The following C2orf49 variants were observed in gnomAD, a reference collection of about 807,000 sequenced individuals.
C2orf49 encodes tRNA splicing ligase complex subunit 2.
A neutral mutation model predicts 20.6 loss-of-function variants in C2orf49; 11 were observed. That is an observed-to-expected ratio of 0.53 (90% CI 0.34 to 0.88). The LOEUF (loss-of-function observed/expected upper bound fraction) is 0.88. C2orf49 is among the 40% of genes least tolerant of loss of function. C2orf49 has a pLI of 0.02. For missense variants in C2orf49, 289 were observed against 274.2 expected (o/e 1.05, Z -0.38); for synonymous variants, 134 against 108.5 (o/e 1.24, Z -1.46).
chr2:105,341,301 C>T (rs1304464428), intron 2 of C2orf49, among the ~76,000 whole-genome samples: 1 of 152,176 alleles, frequency 6.6e-6, no homozygotes, highest in Non-Finnish European at 1.5e-5. Flanking sequence ...TGATTAGTCC[C>T]CCAAAATCAT....
chr2:105,370,472 A>G, the C2orf49 span, among the ~76,000 whole-genome samples: 1 of 151,986 alleles, frequency 6.6e-6, no homozygotes, highest in Non-Finnish European at 1.5e-5. Context: ...GTGCATCTGT[A>G]AGCAACGTCT....
At position 105,337,703 on chromosome 2, in the gene C2orf49, C is replaced by G. The variant is rs759394180; in HGVS notation, c.99+17C>G. On this transcript the variant is annotated intron_variant, in intron 1 of 3. Transcript: ENST00000258457. ...CTGGAGCAGGTTGGGCGCGCCGGAT[C>G]GGAGGGTGGGCGGGTGGGCCTTCCC... 1.0e-5 allele frequency: 1 copy of G among 99,748 alleles called. No individual in the cohort carries two copies. Among genetic ancestry groups the G allele is most frequent in the Non-Finnish European group, 1.3e-5 (1 of 74,188 alleles). 6.2% of individuals were successfully genotyped at this position (99,748 alleles called of 1,614,324 possible).
downstream of C2orf49, among the ~76,000 whole-genome samples, chr2:105,350,766 G>A (rs1344234550): frequency 6.6e-6 from 1 of 152,090 alleles, no homozygotes; most frequent in Admixed American, 6.5e-5. Flanking sequence ...AATAAACTAG[G>A]ACAGTTAGAT....
At chr2:105,351,129 T>A (rs1258671754), downstream of C2orf49, among the ~76,000 whole-genome samples, 3 of 152,152 alleles carry the variant, frequency 2.0e-5, no homozygotes, top group East Asian at 5.8e-4. Context: ...TGGGGCTATG[T>A]GTTTTGCGGG....
chr2:105,365,782 T>C, the C2orf49 span, among the ~76,000 whole-genome samples: 1 of 147,376 alleles, frequency 6.8e-6, no homozygotes, highest in Non-Finnish European at 1.5e-5. Flanking sequence ...AAAGCAGAGG[T>C]TGCAGTGAGT....
At chr2:105,352,429 G>GTTTTTTTTTTTTTTTTTTTTTGGT (rs61585149), downstream of C2orf49, among the ~76,000 whole-genome samples, 14 of 80,758 alleles carry the variant, frequency 1.7e-4, no homozygotes, top group East Asian at 1.2e-3. Context: ...GTTTGTTTGG[G>GTTTTTTTTTTTTTTTTTTTTTGGT]TTTTTTTTTT....
the C2orf49 span, among the ~76,000 whole-genome samples, chr2:105,380,366 C>A: frequency 2.0e-5 from 3 of 152,108 alleles, no homozygotes; most frequent in African/African-American, 7.2e-5. Context: ...CTTTTCTTTT[C>A]TTCTATCTAT....
At chr2:105,370,560 G>T in the C2orf49 span, among the ~76,000 whole-genome samples, 1 of 152,130 alleles carries the variant, frequency 6.6e-6, no homozygotes, top group Non-Finnish European at 1.5e-5. Flanking sequence ...TTGGTCATCA[G>T]GAAACTGACT....
At chr2:105,356,711 T>C in the C2orf49 span, among the ~76,000 whole-genome samples, 4 of 152,254 alleles carry the variant, frequency 2.6e-5, no homozygotes, top group Admixed American at 2.6e-4. Context: ...TGTGTACTTT[T>C]GTATATGTAT....
chr2:105,367,854 T>A, the C2orf49 span: 4 of 1,061,278 alleles, frequency 3.8e-6, no homozygotes, highest in East Asian at 1.0e-4. Context: ...GCAAGCCACT[T>A]CAGCTCTTGA....
chr2:105,367,514 G>A, the C2orf49 span: 1 of 1,536,910 alleles, frequency 6.5e-7, no homozygotes, highest in African/African-American at 1.4e-5. Flanking sequence ...GACAGACATG[G>A]ACCATGGAGG....
At chr2:105,352,452 G>GTTTTTTTT (rs71379724), downstream of C2orf49, among the ~76,000 whole-genome samples, 25 of 68,052 alleles carry the variant, frequency 3.7e-4, no homozygotes, top group Middle Eastern at 0.015. Flanking sequence ...TTTTTTTTTC[G>GTTTTTTTT]TTTTTTTTTT....
chr2:105,369,325 G>C, the C2orf49 span, among the ~76,000 whole-genome samples: 1 of 152,178 alleles, frequency 6.6e-6, no homozygotes, highest in East Asian at 1.9e-4. Flanking sequence ...TGGTCCCAAG[G>C]ACAAAGCTAG....
At chr2:105,344,456 T>TAG (rs746306689) in intron 3 of C2orf49, among the ~76,000 whole-genome samples, 179 of 151,578 alleles carry the variant, frequency 1.2e-3, no homozygotes, top group South Asian at 6.9e-3. Context: ...TATATATATA[T>TAG]AGAGAGAGAG....
intron 1 of C2orf49, 77 bp downstream of exon 1, chr2:105,337,763 AG>A: frequency 1.5e-6 from 2 of 1,340,618 alleles, no homozygotes; most frequent in South Asian, 2.8e-5. Flanking sequence ...TGCCTTAAGT[AG>A]CCCTCGGCAA....
At chr2:105,367,798 A>G in the C2orf49 span, 1 of 1,539,508 alleles carries the variant, frequency 6.5e-7, no homozygotes, top group East Asian at 2.3e-5. Context: ...GTGGAGTCCC[A>G]GCAATCTGCC....
At chr2:105,338,337 C>G (rs1679562846) in intron 1 of C2orf49, among the ~76,000 whole-genome samples, 1 of 139,470 alleles carries the variant, frequency 7.2e-6, no homozygotes, top group African/African-American at 2.5e-5. Flanking sequence ...TTTCATATGG[C>G]TTTCCCCTTA....
chr2:105,341,861 C>A (rs1192755948), intron 2 of C2orf49, among the ~76,000 whole-genome samples: 1 of 152,192 alleles, frequency 6.6e-6, no homozygotes, highest in Admixed American at 6.5e-5. Context: ...ATCTCAGATT[C>A]TTTTAACATG....
the C2orf49 span, chr2:105,367,636 G>A: frequency 6.2e-7 from 1 of 1,614,242 alleles, no homozygotes; most frequent in South Asian, 1.1e-5. Context: ...AATTCTGATT[G>A]TCTTTGGGGA....
Sources: allele counts gnomAD v4.1 joint callset (sites outside exome capture counted in the v4.1 genomes callset), GRCh38; gene constraint gnomAD v4.1.1; transcripts MANE v1.5; gene names NCBI Gene and HGNC (gene_info 2026-07-23, HGNC 2026-07-21).